Variants in CATSPERB observed in about 807,000 individuals in gnomAD.
The protein encoded by CATSPERB is catsper channel auxiliary subunit beta, also known as cation channel sperm-associated auxiliary subunit beta.
In CATSPERB, 93 loss-of-function variants were observed where a neutral mutation model predicts 128.3. The ratio of observed to expected loss-of-function variants is 0.72; its 90% CI spans 0.61 to 0.86. CATSPERB has a LOEUF of 0.86. CATSPERB is among the 40% of genes least tolerant of loss of function. The pLI, the probability that CATSPERB is intolerant of heterozygous loss-of-function variation, is 0.00. For synonymous variants in CATSPERB, 381 were observed against 448.8 expected, an observed-to-expected ratio of 0.85 and a Z score of 1.91; for missense variants, 1,153 against 1,329.5, an observed-to-expected ratio of 0.87 and a Z score of 2.06.
intron 15 of CATSPERB, among the ~76,000 whole-genome samples, chr14:91,644,230 T>C (rs1407413421): frequency 3.3e-5 from 4 of 120,142 alleles, no homozygotes; most frequent in Admixed American, 1.6e-4. Context: ...AATATTGTTA[T>C]GTGTGAATTT....
chr14:91,676,653 G>T (rs1235058947), intron 11 of CATSPERB, among the ~76,000 whole-genome samples: 1 of 151,958 alleles, frequency 6.6e-6, no homozygotes, highest in Non-Finnish European at 1.5e-5. Context: ...AAGAAAAAAA[G>T]GATAAAAGAG....
intron 2 of CATSPERB, among the ~76,000 whole-genome samples, chr14:91,726,520 A>T (rs1896122922): frequency 6.6e-6 from 1 of 152,250 alleles, no homozygotes; most frequent in Non-Finnish European, 1.5e-5. Flanking sequence ...TGGTCCAGAT[A>T]TAGGTCACTG....
chr14:91,672,745 G>T (rs1274551164), intron 13 of CATSPERB, 122 bp downstream of exon 13: 2 of 695,474 alleles, frequency 2.9e-6, no homozygotes, highest in South Asian at 2.5e-5. Flanking sequence ...AAATAATTTT[G>T]CTATAGCCAA....
intron 17 of CATSPERB, chr14:91,635,562 T>G (rs1894358468): frequency 1.3e-5 from 2 of 152,144 alleles, no homozygotes; most frequent in African/African-American, 4.8e-5. Flanking sequence ...TTCACCATGT[T>G]GGTCAGACTG....
At position 91,636,484 on chromosome 14, in the gene CATSPERB, C is replaced by G. The variant is rs1168656704; in HGVS notation, c.1683G>C (p.Gln561His). The G allele has an allele frequency of 6.2e-7, 1 of 1,614,016 alleles. No individual in the cohort carries two copies. The highest frequency in any genetic ancestry group is 8.5e-7 in the Non-Finnish European group (1 of 1,180,002). ...CGAACTTCTTGCTGTAGATCGTTTCCTGGGGTTCGTTCTCAGGTACATATG... is the reference window on the plus strand; with the variant it reads ...CGAACTTCTTGCTGTAGATCGTTTCGTGGGGTTCGTTCTCAGGTACATATG... ...FFAYVPENEP[Q>H]ETIYSKKFGN... The change falls in exon 17 of 27, where the codon CAG becomes CAC. Residue 561 changes from glutamine (Q) to histidine (H), a missense_variant. By Grantham distance (24) the Gln-to-His change is conservative. Transcript: ENST00000256343.
At chr14:91,616,733 C>CCTTTTTTTTTTTTT (rs1555360387) in intron 20 of CATSPERB, among the ~76,000 whole-genome samples, 3 of 84,482 alleles carry the variant, frequency 3.6e-5, no homozygotes, top group African/African-American at 9.4e-5. Context: ...AAGTATTCCC[C>CCTTTTTTTTTTTTT]TTTTTTTTTT....
chr14:91,616,851 C>G (rs1481511729), intron 20 of CATSPERB, among the ~76,000 whole-genome samples: 1 of 148,104 alleles, frequency 6.8e-6, no homozygotes, highest in Admixed American at 6.9e-5. Context: ...AAGTGATTCT[C>G]CTGCCTCAGC....
At chr14:91,597,979 T>C (rs902170404) in intron 22 of CATSPERB, among the ~76,000 whole-genome samples, 4 of 151,878 alleles carry the variant, frequency 2.6e-5, no homozygotes, top group Admixed American at 6.6e-5. Context: ...CTTGATTATA[T>C]AAAAGTTTTT....
intron 4 of CATSPERB, 55 bp downstream of exon 4, chr14:91,722,994 G>A: frequency 7.6e-7 from 1 of 1,320,036 alleles, no homozygotes; most frequent in Admixed American, 2.8e-5. Context: ...ATCCTATAAG[G>A]AAGAGTATGC....
intron 4 of CATSPERB, 48 bp downstream of exon 4, chr14:91,723,001 A>T (rs917652463): frequency 2.4e-5 from 33 of 1,361,218 alleles, no homozygotes; most frequent in Non-Finnish European, 3.2e-5. Context: ...AAGGAAGAGT[A>T]TGCTTCTTGT....
chr14:91,670,039 A>G, intron 13 of CATSPERB, 67 bp from the exon 14 acceptor site: 1 of 1,388,038 alleles, frequency 7.2e-7, no homozygotes, highest in East Asian at 2.3e-5. Context: ...ATTTCCTGTT[A>G]CTTGCATTTT....
intron 23 of CATSPERB, 22 bp from the exon 24 acceptor site, chr14:91,589,691 T>C (rs1409777003): frequency 6.2e-7 from 1 of 1,605,400 alleles, no homozygotes; most frequent in Non-Finnish European, 8.5e-7. Context: ...ATTCCAAGAA[T>C]GAATGTAAAC....
Position 91,724,327 on chromosome 14 carries a change from C to T in CATSPERB, c.168+753G>A, listed in dbSNP as rs139807269. 5.2e-3 allele frequency among the ~76,000 whole-genome samples: 792 copies of T among 152,230 alleles called. 7 individuals are homozygous for T. The highest frequency in any genetic ancestry group is 0.018 in the African/African-American group (740 of 41,544). On this transcript the variant is annotated intron_variant, in intron 3 of 26. Transcript: ENST00000256343. ...AGTCCGTCTTCTTCCAAAGCCCATA[C>T]TTTTTCCATAACATATAACAACAAA...
At chr14:91,587,093 T>C in intron 26 of CATSPERB, 109 bp downstream of exon 26, 1 of 773,184 alleles carries the variant, frequency 1.3e-6, no homozygotes, top group Non-Finnish European at 2.1e-6. Flanking sequence ...TTAAGCCTTG[T>C]CCATCACACA....
intron 20 of CATSPERB, among the ~76,000 whole-genome samples, chr14:91,613,834 G>T (rs1249726314): frequency 6.6e-6 from 1 of 152,116 alleles, no homozygotes; most frequent in Admixed American, 6.5e-5. Flanking sequence ...CACACCCTGG[G>T]TGGAGAATTT....
intron 15 of CATSPERB, among the ~76,000 whole-genome samples, chr14:91,641,075 A>T (rs1894489528): frequency 8.2e-6 from 1 of 122,200 alleles, no homozygotes; most frequent in Admixed American, 8.6e-5. Flanking sequence ...CCACTTTTTG[A>T]TGGGGTTGTT....
At chr14:91,675,373 G>T (rs1360413508) in intron 11 of CATSPERB, among the ~76,000 whole-genome samples, 1 of 152,208 alleles carries the variant, frequency 6.6e-6, no homozygotes, top group Non-Finnish European at 1.5e-5. Context: ...CTTTGCTGGT[G>T]CAGGGAAAGT....
At chr14:91,649,505 T>A (rs1378447518) in intron 15 of CATSPERB, among the ~76,000 whole-genome samples, 14 of 151,094 alleles carry the variant, frequency 9.3e-5, no homozygotes, top group East Asian at 2.0e-4. Context: ...TACACACTTT[T>A]TTTTTTTTTT....
chr14:91,601,265 A>G (rs1265114857), intron 22 of CATSPERB, among the ~76,000 whole-genome samples: 1 of 152,234 alleles, frequency 6.6e-6, no homozygotes, highest in Non-Finnish European at 1.5e-5. Flanking sequence ...CTTTTTCCTG[A>G]GAAAGTTATG....
Sources: gnomAD v4.1 joint callset for allele counts (sites outside exome capture counted in the v4.1 genomes callset) on GRCh38, gnomAD v4.1.1 for gene constraint, MANE v1.5 for transcripts, NCBI Gene and HGNC (gene_info 2026-07-23, HGNC 2026-07-21) for gene names.